Variants in PLEKHG4B observed in about 807,000 individuals in gnomAD.
PLEKHG4B encodes the protein pleckstrin homology and RhoGEF domain containing G4B.
A neutral mutation model predicts 121.3 loss-of-function variants in PLEKHG4B; 111 were observed. The observed-to-expected ratio is 0.92, with a 90% CI of 0.78 to 1.07. PLEKHG4B has a LOEUF of 1.07. PLEKHG4B is among the 50% of genes least tolerant of loss of function. The pLI is 0.00. For missense variants in PLEKHG4B, 1,831 were observed against 1,757.8 expected (o/e 1.04, Z -0.74); for synonymous variants, 738 against 725.0 (o/e 1.02, Z -0.29).
rs1036974530 is a variant in PLEKHG4B at position 159,049 on chromosome 5, C to T, written c.2487+2138C>T. ...GCCTGTGCTTAGCTTCCATCCCACTCCCAGCCTTCTGCCTGTGCCCTGCTT... is the reference window on the plus strand; with the variant it reads ...GCCTGTGCTTAGCTTCCATCCCACTTCCAGCCTTCTGCCTGTGCCCTGCTT... On this transcript the variant is annotated intron_variant, in intron 11 of 19. Coordinates refer to ENST00000637938, the MANE Select transcript of PLEKHG4B (RefSeq NM_052909.5). The surrounding 1 kb of genome is among the most constrained non-coding windows in gnomAD (Gnocchi z 5.5). Among the ~76,000 whole-genome samples, 1 of 152,072 alleles carries T rather than the reference C, an allele frequency of 6.6e-6. No homozygotes were observed. The highest frequency in any genetic ancestry group is 2.4e-5 in the African/African-American group (1 of 41,390).
chr5:96,817 G>T (rs1733642319), intron 1 of PLEKHG4B, among the ~76,000 whole-genome samples: 2 of 152,264 alleles, frequency 1.3e-5, no homozygotes, highest in Non-Finnish European at 1.5e-5. Flanking sequence ...TTTACAGCTA[G>T]GGTGGGAGTA....
intron 2 of PLEKHG4B, among the ~76,000 whole-genome samples, chr5:135,685 ATATATATAT>A (rs1734957352): frequency 3.2e-4 from 10 of 31,076 alleles, no homozygotes; most frequent in African/African-American, 1.3e-3. Flanking sequence ...AAAAAAAAAT[ATATATATAT>A]ATATATATAT....
chr5:110,968 C>T (rs1367464150), intron 1 of PLEKHG4B, among the ~76,000 whole-genome samples: 1 of 152,272 alleles, frequency 6.6e-6, no homozygotes, highest in Non-Finnish European at 1.5e-5. Context: ...TCTGCTCTCT[C>T]TCCTGGCCCC....
At chr5:165,324 A>C (rs1424286859) in intron 13 of PLEKHG4B, among the ~76,000 whole-genome samples, 19 of 21,236 alleles carry the variant, frequency 8.9e-4, no homozygotes, top group Non-Finnish European at 9.7e-4. Context: ...GCTCACAGTA[A>C]TCCTCTGACG....
rs137879295 is a variant in PLEKHG4B, at chr5:145,897, C to T, written c.1905+977C>T. ...TCGCCCTTGCTGTCCCTGCTGAAGA[C>T]GGAGGCAGAGGCTCCTATACTCACT... On this transcript the variant is annotated intron_variant, in intron 6 of 19. Coordinates refer to ENST00000637938, the MANE Select transcript of PLEKHG4B (RefSeq NM_052909.5). Among the ~76,000 whole-genome samples the T allele has an allele frequency of 5.0e-3, 760 of 152,132 alleles. 8 individuals are homozygous for T. The highest frequency in any genetic ancestry group is 0.047 in the South Asian group (229 of 4,822).
intron 1 of PLEKHG4B, among the ~76,000 whole-genome samples, chr5:109,510 G>A (rs148798288): frequency 0.012 from 1,902 of 152,220 alleles, 23 homozygotes; most frequent in Middle Eastern, 0.078. Context: ...CAGCATTGTG[G>A]GTATCACCAT....
intron 9 of PLEKHG4B, among the ~76,000 whole-genome samples, chr5:155,770 C>T (rs911060808): frequency 6.6e-6 from 1 of 152,168 alleles, no homozygotes; most frequent in African/African-American, 2.4e-5. Context: ...ACAGCCCAGC[C>T]GCCAGGTCTA....
At position 156,938 on chromosome 5, in the gene PLEKHG4B, C is replaced by T. The variant is rs774036259; in HGVS notation, c.2487+27C>T. On this transcript the variant is annotated intron_variant, in intron 11 of 19. Coordinates refer to ENST00000637938, the MANE Select transcript of PLEKHG4B (RefSeq NM_052909.5). This position sits in a 1 kb window ranked among gnomAD's most constrained non-coding sequence, Gnocchi z 4.4. ...TCAGAGCTGCAGGAGGAAGGCGGCCCGGTCAGCATCCCCTCCAGGCCAGGC... is the reference window on the plus strand; with the variant it reads ...TCAGAGCTGCAGGAGGAAGGCGGCCTGGTCAGCATCCCCTCCAGGCCAGGC... 19 of 1,608,272 alleles carry T rather than the reference C, an allele frequency of 1.2e-5. No individual in the cohort carries two copies. The highest frequency in any genetic ancestry group is 2.2e-5 in the South Asian group (2 of 89,616).
intron 1 of PLEKHG4B, among the ~76,000 whole-genome samples, chr5:108,410 G>T (rs1369955608): frequency 6.6e-6 from 1 of 152,230 alleles, no homozygotes; most frequent in South Asian, 2.1e-4. Context: ...CCAGCGGAGA[G>T]GGTCAAGAAT....
rs979142880 is a variant in PLEKHG4B, at chr5:163,078, C to T, written c.3006C>T (p.Ala1002=). 1.3e-6 allele frequency: 2 copies of T among 1,562,964 alleles called. No individual in the cohort carries two copies. Among genetic ancestry groups the T allele is most frequent in the Non-Finnish European group, 8.7e-7 (1 of 1,153,812 alleles). Residue 1002 remains alanine, a synonymous_variant, in exon 13 of 20, where the codon GCC becomes GCT. Transcript: ENST00000637938. ...SFPSTDSGGG[A]WEPAQPLSGL... ...CCAGCACGGACAGTGGGGGTGGTGC[C>T]TGGGAACCTGCGCAACCACTGTCCG...
chr5:182,481 A>G lies in PLEKHG4B; in HGVS notation c.*158A>G. 1 of 705,846 alleles carries G rather than the reference A, an allele frequency of 1.4e-6. No individual in the cohort carries two copies. The highest frequency in any genetic ancestry group is 2.3e-6 in the Non-Finnish European group (1 of 440,266). 43.7% of individuals were successfully genotyped at this position (705,846 alleles called of 1,614,324 possible). On this transcript the variant is annotated 3_prime_UTR_variant, in exon 20 of 20. Transcript: ENST00000637938. ...GTGTCCAGGTATTTCCCAGGATTTTAGACATTCCCTAACATTTTCAAACAA... is the reference window on the plus strand; with the variant it reads ...GTGTCCAGGTATTTCCCAGGATTTTGGACATTCCCTAACATTTTCAAACAA...
chr5:160,159 G>T (rs1160259571), intron 11 of PLEKHG4B, among the ~76,000 whole-genome samples: 2 of 152,198 alleles, frequency 1.3e-5, no homozygotes, highest in Non-Finnish European at 2.9e-5. Flanking sequence ...TTTACACACG[G>T]GATGCCGCAT....
At chr5:158,799 C>T (rs974580807) in intron 11 of PLEKHG4B, among the ~76,000 whole-genome samples, 1 of 152,210 alleles carries the variant, frequency 6.6e-6, no homozygotes, top group African/African-American at 2.4e-5. Context: ...TCTCCTCCAT[C>T]TCCCTCCCCA....
chr5:182,715 C>A lies in PLEKHG4B; in HGVS notation c.*392C>A, dbSNP rs147058094. ...GTGATGGCCTCAGACCTCCCTCCGC[C>A]TTGAGAGTTTGCAGGCCTCAGTGCA... On this transcript the variant is annotated 3_prime_UTR_variant, in exon 20 of 20. Coordinates refer to ENST00000637938, the MANE Select transcript of PLEKHG4B (RefSeq NM_052909.5). 0.01 allele frequency: 2,431 copies of A among 234,818 alleles called. 29 individuals carry two copies. The highest frequency in any genetic ancestry group is 0.026 in the Middle Eastern group (15 of 574). The allele number at this position is 234,818 out of a possible 1,614,324, so 14.5% of individuals were successfully genotyped here.
intron 2 of PLEKHG4B, among the ~76,000 whole-genome samples, chr5:126,648 C>T (rs1293287837): frequency 1.3e-5 from 2 of 152,136 alleles, no homozygotes; most frequent in Admixed American, 1.3e-4. Context: ...AGCAGACTTT[C>T]CCCCTCCCTT....
chr5:131,474 T>C (rs1229195340), intron 2 of PLEKHG4B, among the ~76,000 whole-genome samples: 1 of 152,184 alleles, frequency 6.6e-6, no homozygotes, highest in East Asian at 1.9e-4. Context: ...TAGTATTCCA[T>C]GGTGTATATG....
intron 14 of PLEKHG4B, 115 bp downstream of exon 14, chr5:169,707 C>G (rs1736478716): frequency 8.9e-6 from 13 of 1,455,318 alleles, no homozygotes; most frequent in Non-Finnish European, 1.0e-5. Context: ...CAGTCCAGGT[C>G]TAGGAGCTGG....
At position 98,629 on chromosome 5, in the gene PLEKHG4B, G is replaced by A. The variant is rs1363047869; in HGVS notation, c.45+6353G>A. On this transcript the variant is annotated intron_variant, in intron 1 of 19. Coordinates refer to ENST00000637938, the MANE Select transcript of PLEKHG4B (RefSeq NM_052909.5). ...TGTGTGTGTGTGTGTGTGTGTGTGT[G>A]TGTGTGTGTGTGTGTGTTAGTTTTA... Among the ~76,000 whole-genome samples the A allele has an allele frequency of 1.0e-3, 153 of 145,718 alleles. 1 individual carries two copies. Among genetic ancestry groups the A allele is most frequent in the African/African-American group, 3.8e-3 (149 of 39,584 alleles).
At position 140,667 on chromosome 5, in the gene PLEKHG4B, G is replaced by A. The variant is rs1173898187; in HGVS notation, c.1428G>A (p.Gly476=). Residue 476 remains glycine, a synonymous_variant, in exon 3 of 20, where the codon GGG becomes GGA. Transcript: ENST00000637938. ...GCCACCTAGGAGGACAAGCTGTGGG[G>A]ACCCCAAACTGTGTCCCAGTAGAGG... is the stretch of plus-strand genomic sequence containing the variant. ...PGGHLGGQAV[G]TPNCVPVEGP... 3 of 1,604,992 alleles carry A rather than the reference G, an allele frequency of 1.9e-6. No individual in the cohort carries two copies. Among genetic ancestry groups the A allele is most frequent in the South Asian group, 2.2e-5 (2 of 90,434 alleles).
Sources: allele counts gnomAD v4.1 joint callset (sites outside exome capture counted in the v4.1 genomes callset), GRCh38; gene constraint gnomAD v4.1.1; non-coding constraint Gnocchi (gnomAD v3.1); transcripts MANE v1.5; gene names NCBI Gene and HGNC (gene_info 2026-07-23, HGNC 2026-07-21).